GET1: variants seen among roughly 807,000 people sequenced by gnomAD.
GET1 encodes guided entry of tail-anchored proteins factor 1, also known as congenital heart disease 5 protein.
Under a neutral mutation model 22.6 loss-of-function variants are expected in GET1, and 20 were observed. The observed-to-expected ratio is 0.89, with a 90% CI of 0.62 to 1.29. GET1 has a LOEUF of 1.29. GET1 is among the 50% of genes most tolerant of loss of function. GET1 has a pLI of 0.00. For missense variants in GET1, 209 were observed against 219.9 expected (o/e 0.95, Z 0.31); for synonymous variants, 92 against 83.8 (o/e 1.10, Z -0.53).
At chr21:39,387,736 C>A (rs2038010291) in intron 1 of GET1, 2 of 980,248 alleles carry the variant, frequency 2.0e-6, no homozygotes, top group African/African-American at 3.6e-5. Flanking sequence ...TGGTAGGCGG[C>A]ATCACTGGGC....
chr21:39,405,877 T>C, intron 4 of GET1: 2 of 1,549,452 alleles, frequency 1.3e-6, no homozygotes, highest in Non-Finnish European at 1.8e-6. Flanking sequence ...GGATATTGAT[T>C]ATATTTAAAT....
At chr21:39,391,859 C>T (rs768592637) in intron 3 of GET1, 23 bp downstream of exon 3, 17 of 1,613,646 alleles carry the variant, frequency 1.1e-5, no homozygotes, top group South Asian at 8.8e-5. Flanking sequence ...GAGCGTCAGC[C>T]GGGTCATTGG....
At chr21:39,387,690 C>T (rs1456710700) in intron 1 of GET1, 1 of 612,638 alleles carries the variant, frequency 1.6e-6, no homozygotes, top group South Asian at 7.1e-5. Flanking sequence ...ACTCCCCACA[C>T]TCCCCCCCCC....
intron 1 of GET1, chr21:39,420,935 G>A: frequency 2.1e-6 from 2 of 965,864 alleles, no homozygotes; most frequent in Admixed American, 2.2e-5. Flanking sequence ...TATGAAAAGT[G>A]CACATTTTCA....
intron 1 of GET1, among the ~76,000 whole-genome samples, chr21:39,412,578 A>G (rs2040283253): frequency 6.6e-6 from 1 of 151,820 alleles, no homozygotes; most frequent in African/African-American, 2.4e-5. Context: ...CAGGGATGTC[A>G]GAGTGTGACA....
chr21:39,412,973 A>T (rs1447147081), intron 1 of GET1, among the ~76,000 whole-genome samples: 1 of 152,194 alleles, frequency 6.6e-6, no homozygotes, highest in East Asian at 1.9e-4. Flanking sequence ...AGGTGCTCCC[A>T]TAGCACAGGC....
intron 1 of GET1, among the ~76,000 whole-genome samples, chr21:39,384,040 C>CT (rs776755444): frequency 0.02 from 2,836 of 142,190 alleles, 82 homozygotes; most frequent in African/African-American, 0.066. Context: ...CACCCCCGGC[C>CT]TTTTTTTTTT....
chr21:39,396,892 T>G lies in GET1; in HGVS notation c.478T>G (p.Leu160Val). The change falls in exon 5 of 5, where the codon TTA (leucine) becomes GTA (valine). Residue 160 changes from leucine (L) to valine (V), a missense_variant. Leu to Val is a conservative substitution (Grantham distance 32, BLOSUM62 1). Transcript: ENST00000649170. ...TGGTGTTGGAATTACCTGTTGGATT[T>G]TAGTCTGTAACAAAGTTGTCGCTAT... ...AGGVGITCWI[L>V]VCNKVVAIVL... The G allele has an allele frequency of 6.2e-7, 1 of 1,614,024 alleles. No individual in the cohort carries two copies. The highest frequency in any genetic ancestry group is 1.7e-5 in the Admixed American group (1 of 59,988).
At chr21:39,417,822 G>A (rs1042829169) in intron 1 of GET1, among the ~76,000 whole-genome samples, 1 of 152,014 alleles carries the variant, frequency 6.6e-6, no homozygotes, top group African/African-American at 2.4e-5. Flanking sequence ...CTGGAGTGCG[G>A]TGGCGTGATC....
At chr21:39,388,567 TG>T (rs2038081556) in intron 1 of GET1, among the ~76,000 whole-genome samples, 1 of 152,274 alleles carries the variant, frequency 6.6e-6, no homozygotes, top group Admixed American at 6.5e-5. Context: ...GTCTGATACT[TG>T]GTAGGGATTT....
chr21:39,406,286 G>A, exon 5 of GET1: 1 of 1,614,224 alleles, frequency 6.2e-7, no homozygotes, highest in Non-Finnish European at 8.5e-7. Context: ...GAAGCAGGAA[G>A]CCCATGATGC....
At chr21:39,405,162 T>C (rs543813168) in intron 4 of GET1, among the ~76,000 whole-genome samples, 93 of 152,122 alleles carry the variant, frequency 6.1e-4, no homozygotes, top group Non-Finnish European at 1.0e-3. Flanking sequence ...AAAGAGTCTT[T>C]TGATCATATT....
chr21:39,420,506 G>A (rs1040635444), intron 1 of GET1, among the ~76,000 whole-genome samples: 21 of 93,068 alleles, frequency 2.3e-4, no homozygotes, highest in Non-Finnish European at 4.0e-4. Context: ...CTGGGTGACA[G>A]AGCAAGATTC....
At chr21:39,403,629 A>T (rs28433230) in intron 4 of GET1, among the ~76,000 whole-genome samples, 73 of 138,722 alleles carry the variant, frequency 5.3e-4, no homozygotes, top group African/African-American at 1.2e-3. Context: ...TTTTATTTTT[A>T]TTTTTTTTTT....
intron 4 of GET1, among the ~76,000 whole-genome samples, chr21:39,403,307 C>G (rs921246767): frequency 2.0e-5 from 3 of 152,132 alleles, no homozygotes; most frequent in Non-Finnish European, 2.9e-5. Context: ...TAGTATTTAT[C>G]TCATCTTTGG....
chr21:39,408,096 C>CT (rs1203398109), downstream of GET1, among the ~76,000 whole-genome samples: 1 of 152,262 alleles, frequency 6.6e-6, no homozygotes, highest in African/African-American at 2.4e-5. Flanking sequence ...CATGCATGTA[C>CT]TTTCCTCAGA....
chr21:39,388,524 C>A (rs989277381), intron 1 of GET1, among the ~76,000 whole-genome samples: 5 of 152,190 alleles, frequency 3.3e-5, no homozygotes, highest in Non-Finnish European at 5.9e-5. Flanking sequence ...TGTCAGAGGC[C>A]AGTGATTTCG....
At chr21:39,404,542 C>T (rs942331284) in intron 4 of GET1, among the ~76,000 whole-genome samples, 1 of 152,068 alleles carries the variant, frequency 6.6e-6, no homozygotes, top group Non-Finnish European at 1.5e-5. Flanking sequence ...GTCAGGAGTT[C>T]AAGACCAGCC....
At chr21:39,421,172 G>T (rs953147667) in intron 1 of GET1, among the ~76,000 whole-genome samples, 1 of 149,074 alleles carries the variant, frequency 6.7e-6, no homozygotes, top group Non-Finnish European at 1.5e-5. Flanking sequence ...GTGCGATCTC[G>T]GCTCACTGCA....
Sources: gnomAD v4.1 joint callset for allele counts (sites outside exome capture counted in the v4.1 genomes callset) on GRCh38, gnomAD v4.1.1 for gene constraint, MANE v1.5 for transcripts, NCBI Gene and HGNC (gene_info 2026-07-23, HGNC 2026-07-21) for gene names.